Variants in PRAMEF20 observed in about 807,000 individuals in gnomAD.
PRAMEF20 encodes PRAME family member 20/21.
PRAMEF20 carries 27 observed loss-of-function variants against 32.4 expected under a neutral mutation model. That is an observed-to-expected ratio of 0.83 (90% CI 0.61 to 1.15). The LOEUF is 1.15. PRAMEF20 is among the 50% of genes most tolerant of loss of function. The pLI is 0.00. For missense variants in PRAMEF20, 604 were observed against 584.5 expected, an observed-to-expected ratio of 1.03 and a Z score of -0.34; for synonymous variants, 256 against 235.4, an observed-to-expected ratio of 1.09 and a Z score of -0.80.
rs757397602 is a variant in PRAMEF20, at chr1:13,416,531, G to A, written c.177G>A (p.Trp59Ter). Residue 59 changes from tryptophan (W) to a stop codon, truncating the protein, a stop_gained, in exon 1 of 3, where the codon TGG becomes TGA. Coordinates refer to ENST00000602960, the Ensembl canonical transcript of PRAMEF20. LOFTEE classifies it high-confidence loss of function. ...CCCTGAAGCTGATGGTGCAGGCCTG[G>A]CCTTTCCTCCGCCTTCCTCTGGGGT... 8.9e-5 allele frequency: 143 copies of A among 1,614,044 alleles called. No individual in the cohort carries two copies. Among genetic ancestry groups the A allele is most frequent in the Non-Finnish European group, 1.2e-4 (137 of 1,180,026 alleles).
intron 2 of PRAMEF20, among the ~76,000 whole-genome samples, chr1:13,419,614 T>C (rs1490559110): frequency 6.6e-6 from 1 of 151,908 alleles, no homozygotes; most frequent in Admixed American, 6.6e-5. Context: ...TTAGTACAGA[T>C]GGGGTTTCAC....
At chr1:13,416,664 G>A in intron 1 of PRAMEF20, 23 bp downstream of exon 2, 1 of 1,613,840 alleles carries the variant, frequency 6.2e-7, no homozygotes, top group Non-Finnish European at 8.5e-7. Flanking sequence ...AAGTGGGCTG[G>A]TGGGGAGGGC....
upstream of PRAMEF20, among the ~76,000 whole-genome samples, chr1:13,413,904 T>C (rs1265395271): frequency 1.3e-5 from 2 of 152,182 alleles, no homozygotes; most frequent in African/African-American, 4.8e-5. Context: ...AGAATTATCC[T>C]GTTTTATCAG....
exon 3 of PRAMEF20, chr1:13,421,147 G>C (rs1266618764): frequency 6.2e-7 from 1 of 1,613,834 alleles, no homozygotes; most frequent in African/African-American, 1.3e-5. Context: ...AGCTGATGGG[G>C]AGAGTGAGGG....
chr1:13,416,257 C>A, upstream of PRAMEF20: 1 of 1,602,340 alleles, frequency 6.2e-7, no homozygotes, highest in Non-Finnish European at 8.5e-7. Context: ...AGAGCAATGA[C>A]TTTGGCCCTG....
chr1:13,414,443 AG>A (rs1164865688), upstream of PRAMEF20, among the ~76,000 whole-genome samples: 1 of 151,506 alleles, frequency 6.6e-6, no homozygotes, highest in African/African-American at 2.4e-5. Context: ...TGATTTTACA[AG>A]TTAGGTTTTC....
chr1:13,412,383 C>A (rs1641122777), upstream of PRAMEF20, among the ~76,000 whole-genome samples: 1 of 152,120 alleles, frequency 6.6e-6, no homozygotes, highest in South Asian at 2.1e-4. Context: ...AGGAAACACC[C>A]TTTAACTTCT....
chr1:13,417,609 A>C (rs1418809384), intron 1 of PRAMEF20, among the ~76,000 whole-genome samples: 4 of 151,866 alleles, frequency 2.6e-5, no homozygotes, highest in African/African-American at 9.7e-5. Context: ...TCTCAAAAAA[A>C]AAAAAGTGGA....
chr1:13,416,585 C>G (rs1641176325), exon 1 of PRAMEF20: 21 of 1,614,092 alleles, frequency 1.3e-5, no homozygotes, highest in Non-Finnish European at 1.8e-5. Flanking sequence ...GCCCAGAGAC[C>G]TTCCAAGCTG....
chr1:13,418,652 A>C lies in PRAMEF20; in HGVS notation c.818A>C (p.Tyr273Ser), dbSNP rs1385755117. ...AAGCTGCGCTGCCTCCAAAAGCTTT[A>C]TATGAACTCTGTTTCTTTCCTCGAA... The change falls in exon 2 of 3, where the codon TAT becomes TCT. Residue 273 changes from tyrosine to serine, a missense_variant. Coordinates refer to ENST00000602960, the Ensembl canonical transcript of PRAMEF20. The C allele has an allele frequency of 3.7e-6, 6 of 1,613,830 alleles. No individual in the cohort carries two copies. In the African/African-American group the frequency reaches 4.0e-5, roughly 11 times the overall value.
At chr1:13,420,628 G>A in intron 2 of PRAMEF20, 69 bp from the exon 4 acceptor site, 1 of 1,607,336 alleles carries the variant, frequency 6.2e-7, no homozygotes, top group South Asian at 1.1e-5. Context: ...TCACTTTGAA[G>A]TCATTCCCTA....
upstream of PRAMEF20, among the ~76,000 whole-genome samples, chr1:13,413,055 G>A (rs1316687519): frequency 2.0e-5 from 3 of 152,116 alleles, no homozygotes; most frequent in Non-Finnish European, 2.9e-5. Flanking sequence ...GAAATATTCT[G>A]ATAAATTTGT....
upstream of PRAMEF20, among the ~76,000 whole-genome samples, chr1:13,415,427 TCTC>T (rs1166911256): frequency 6.6e-6 from 1 of 152,126 alleles, no homozygotes; most frequent in Middle Eastern, 3.4e-3. Flanking sequence ...TATGGAAACA[TCTC>T]TGTCTTGCGA....
At chr1:13,421,130 G>C in exon 3 of PRAMEF20, 1 of 1,612,302 alleles carries the variant, frequency 6.2e-7, no homozygotes. Flanking sequence ...TGCCCAACTT[G>C]GGGCTGAGCT....
chr1:13,414,608 GCCACCACGC>G (rs1641145900), upstream of PRAMEF20, among the ~76,000 whole-genome samples: 1 of 151,824 alleles, frequency 6.6e-6, no homozygotes, highest in South Asian at 2.1e-4. Context: ...ACAGGTGCAT[GCCACCACGC>G]CCAGCTAATT....
At chr1:13,413,680 T>A (rs1168409882), upstream of PRAMEF20, among the ~76,000 whole-genome samples, 2 of 152,014 alleles carry the variant, frequency 1.3e-5, no homozygotes, top group Non-Finnish European at 2.9e-5. Flanking sequence ...GTTTTCTGAT[T>A]GGCAAAGGGG....
chr1:13,420,572 A>T, intron 2 of PRAMEF20, 125 bp from the exon 4 acceptor site: 2 of 1,313,768 alleles, frequency 1.5e-6, no homozygotes, highest in Non-Finnish European at 2.2e-6. Context: ...GTTGACTATC[A>T]GACAATCAGA....
upstream of PRAMEF20, among the ~76,000 whole-genome samples, chr1:13,413,418 G>A (rs977273989): frequency 2.0e-5 from 3 of 152,232 alleles, no homozygotes; most frequent in African/African-American, 7.2e-5. Context: ...AGGCTGGAGT[G>A]CAGTGGTACA....
At chr1:13,418,164 G>C in exon 2 of PRAMEF20, 1 of 1,610,366 alleles carries the variant, frequency 6.2e-7, no homozygotes, top group South Asian at 1.1e-5. Flanking sequence ...ATGTCAGTGA[G>C]AACTTCTGGA....
Sources: allele counts gnomAD v4.1 joint callset (sites outside exome capture counted in the v4.1 genomes callset), GRCh38; gene constraint gnomAD v4.1.1; transcripts MANE v1.5; gene names NCBI Gene and HGNC (gene_info 2026-07-23, HGNC 2026-07-21).